The following ITGA9 variants were observed in gnomAD, a reference collection of about 807,000 sequenced individuals.
The protein encoded by ITGA9 is integrin subunit alpha 9, also known as integrin alpha-9.
In ITGA9, 56 loss-of-function variants were observed where a neutral mutation model predicts 127.8. The observed-to-expected ratio is 0.44, with a 90% confidence interval of 0.35 to 0.55. The LOEUF (loss-of-function observed/expected upper bound fraction) is 0.55. ITGA9 is among the 20% of genes least tolerant of loss of function. The pLI is 0.00. For missense variants in ITGA9, 1,196 were observed against 1,347.1 expected (o/e 0.89, Z 1.76); for synonymous variants, 508 against 514.5 (o/e 0.99, Z 0.17).
chr3:37,534,831 A>G (rs1465045122), intron 14 of ITGA9, among the ~76,000 whole-genome samples: 1 of 152,188 alleles, frequency 6.6e-6, no homozygotes. Flanking sequence ...CCAGGAGTTG[A>G]ATTTGGATCT....
chr3:37,517,585 G>A lies in ITGA9; in HGVS notation c.1117G>A (p.Asp373Asn), dbSNP rs1358507608. The A allele has an allele frequency of 5.7e-6, 9 of 1,589,030 alleles. No individual in the cohort carries two copies. Among genetic ancestry groups the A allele is most frequent in the East Asian group, 4.6e-5 (2 of 43,930 alleles). ...HFGESIASLDDLDNDGFPDVA... is the reference protein window; with the variant it reads ...HFGESIASLDNLDNDGFPDVA... Reference sequence around the variant, plus strand: ...TGGAGAGAGCATTGCCAGCCTGGACGATCTGGACAATGATGGGTTCCCAGG... The same window carrying A: ...TGGAGAGAGCATTGCCAGCCTGGACAATCTGGACAATGATGGGTTCCCAGG... The change falls in exon 10 of 28, where the codon GAT becomes AAT. Residue 373 changes from aspartate (D) to asparagine (N), a missense_variant. Asp to Asn is a conservative substitution (Grantham distance 23). Transcript: ENST00000264741.
intron 15 of ITGA9, among the ~76,000 whole-genome samples, chr3:37,587,730 A>G (rs1699772233): frequency 6.6e-6 from 1 of 152,218 alleles, no homozygotes; most frequent in South Asian, 2.1e-4. Context: ...GCAGTTTCCA[A>G]TCTTCAAAGC....
chr3:37,751,560 C>T (rs1346017793), intron 23 of ITGA9, among the ~76,000 whole-genome samples: 5 of 152,116 alleles, frequency 3.3e-5, no homozygotes, highest in African/African-American at 7.2e-5. Context: ...TTAAGTCACT[C>T]AGATTCTGAA....
At chr3:37,466,957 G>A (rs1388408694) in intron 1 of ITGA9, among the ~76,000 whole-genome samples, 1 of 152,192 alleles carries the variant, frequency 6.6e-6, no homozygotes, top group Non-Finnish European at 1.5e-5. Context: ...CTTAGCAGAT[G>A]GCATCTTTTC....
Position 37,608,777 on chromosome 3 carries a change from TTTG to T in ITGA9, c.1690-20398_1690-20396del, listed in dbSNP as rs760713848. Among the ~76,000 whole-genome samples, 5 of 152,264 alleles carry T rather than the reference TTTG, an allele frequency of 3.3e-5. No individual in the cohort carries two copies. The East Asian group carries it at 5.8e-4, about 18-fold the overall frequency. Reference sequence around the variant, plus strand: ...GTGTGTTTTATACGTCTAGAGGATTTTTGTTGTTGTTGTTTCTTTGAGGTTTTC... The same window carrying T: ...GTGTGTTTTATACGTCTAGAGGATTTTTGTTGTTGTTTCTTTGAGGTTTTC... On this transcript the variant is annotated intron_variant, in intron 15 of 27. Transcript: ENST00000264741.
chr3:37,574,840 G>A (rs1699637430), intron 15 of ITGA9, among the ~76,000 whole-genome samples: 1 of 152,144 alleles, frequency 6.6e-6, no homozygotes, highest in South Asian at 2.1e-4. Flanking sequence ...GGGAGAGCAG[G>A]TCCATATCGG....
chr3:37,726,142 G>A (rs934451990), intron 18 of ITGA9, among the ~76,000 whole-genome samples: 1 of 152,202 alleles, frequency 6.6e-6, no homozygotes, highest in Non-Finnish European at 1.5e-5. Flanking sequence ...GTTGATTGGG[G>A]AATTTGGGAT....
At chr3:37,575,506 C>T (rs376153419) in intron 15 of ITGA9, among the ~76,000 whole-genome samples, 45 of 152,282 alleles carry the variant, frequency 3.0e-4, no homozygotes, top group African/African-American at 8.2e-4. Context: ...CCCAAGTTGT[C>T]TCTGCTAGTC....
At chr3:37,585,827 T>G (rs2125612329) in intron 15 of ITGA9, among the ~76,000 whole-genome samples, 1 of 152,286 alleles carries the variant, frequency 6.6e-6, no homozygotes, top group South Asian at 2.1e-4. Flanking sequence ...TGAATGAGTT[T>G]AAGAACCATG....
At chr3:37,490,973 C>CCCA (rs397726826) in intron 4 of ITGA9, among the ~76,000 whole-genome samples, 1 of 133,286 alleles carries the variant, frequency 7.5e-6, no homozygotes, top group East Asian at 2.6e-4. Context: ...GCTTCCCCCC[C>CCCA]GCTTTTTTTT....
chr3:37,754,371 G>C (rs1054534806), intron 23 of ITGA9, among the ~76,000 whole-genome samples: 1 of 152,190 alleles, frequency 6.6e-6, no homozygotes, highest in Admixed American at 6.5e-5. Context: ...ATGCAAGAAG[G>C]GGAAAAGTCA....
rs1366353959 is a variant in ITGA9 at position 37,541,083 on chromosome 3, G to T, written c.1529-1342G>T. On this transcript the variant is annotated intron_variant, in intron 14 of 27. Transcript: ENST00000264741. ...ATTCAGGTCACCTTCCTCTCTGCCT[G>T]TTCATACCTCCCCTGGTGGCTGATC... 3.9e-5 allele frequency among the ~76,000 whole-genome samples: 6 copies of T among 152,250 alleles called. No homozygotes were observed. The East Asian group carries it at 1.2e-3, about 29-fold the overall frequency.
At chr3:37,559,250 A>G (rs184059681) in intron 15 of ITGA9, among the ~76,000 whole-genome samples, 170 of 150,120 alleles carry the variant, frequency 1.1e-3, no homozygotes, top group African/African-American at 4.0e-3. Context: ...TGAATCTGGA[A>G]AAGTGATGGA....
At chr3:37,466,975 T>C (rs2125550836) in intron 1 of ITGA9, among the ~76,000 whole-genome samples, 1 of 152,356 alleles carries the variant, frequency 6.6e-6, no homozygotes, top group Admixed American at 6.5e-5. Context: ...TTCAGTGGCT[T>C]GTTCTGAACT....
At chr3:37,775,056 G>A (rs950318116) in intron 23 of ITGA9, among the ~76,000 whole-genome samples, 3 of 152,186 alleles carry the variant, frequency 2.0e-5, no homozygotes, top group African/African-American at 4.8e-5. Flanking sequence ...CTTCTACACA[G>A]CAAAAGAGAC....
intron 1 of ITGA9, among the ~76,000 whole-genome samples, chr3:37,461,466 C>T (rs142967846): frequency 1.6e-3 from 244 of 152,316 alleles, no homozygotes; most frequent in Admixed American, 2.7e-3. Flanking sequence ...GAGCACAACA[C>T]GGCACACAGT....
intron 25 of ITGA9, among the ~76,000 whole-genome samples, chr3:37,780,226 A>G (rs553194471): frequency 6.6e-6 from 1 of 152,164 alleles, no homozygotes; most frequent in Non-Finnish European, 1.5e-5. Flanking sequence ...TCTTATATGA[A>G]TATATTGTAT....
intron 15 of ITGA9, among the ~76,000 whole-genome samples, chr3:37,563,320 A>G (rs2125600937): frequency 6.6e-6 from 1 of 152,330 alleles, no homozygotes; most frequent in East Asian, 1.9e-4. Flanking sequence ...TTGCCTATCT[A>G]CATTTTAAAT....
At chr3:37,695,403 A>G (rs1190200133) in intron 18 of ITGA9, among the ~76,000 whole-genome samples, 2 of 152,218 alleles carry the variant, frequency 1.3e-5, no homozygotes, top group East Asian at 3.8e-4. Flanking sequence ...TGAAGGATAT[A>G]TTACAAGCAT....
Sources: gnomAD v4.1 joint callset for allele counts (sites outside exome capture counted in the v4.1 genomes callset) on GRCh38, gnomAD v4.1.1 for gene constraint, MANE v1.5 for transcripts, NCBI Gene and HGNC (gene_info 2026-07-23, HGNC 2026-07-21) for gene names.